PPP6R2: variants seen among roughly 807,000 people sequenced by gnomAD.
The protein encoded by PPP6R2 is protein phosphatase 6 regulatory subunit 2.
In PPP6R2, 62 loss-of-function variants were observed where a neutral mutation model predicts 100.2. The ratio of observed to expected loss-of-function variants is 0.62; its 90% CI spans 0.50 to 0.76. The LOEUF (loss-of-function observed/expected upper bound fraction) is 0.76. Among genes scored for constraint, PPP6R2 ranks in the 30% least tolerant of loss-of-function variants. PPP6R2 has a pLI of 0.00. For synonymous variants in PPP6R2, 525 were observed against 514.7 expected, an observed-to-expected ratio of 1.02 and a Z score of -0.27; for missense variants, 1,142 against 1,276.3, an observed-to-expected ratio of 0.89 and a Z score of 1.60.
chr22:50,427,956 G>A (rs540762020), intron 10 of PPP6R2, among the ~76,000 whole-genome samples: 52 of 151,174 alleles, frequency 3.4e-4, no homozygotes, highest in East Asian at 1.5e-3. Flanking sequence ...TCCTGACCTC[G>A]TGATCCGCCC....
intron 10 of PPP6R2, among the ~76,000 whole-genome samples, chr22:50,429,835 G>C (rs891700501): frequency 1.3e-5 from 2 of 152,330 alleles, no homozygotes; most frequent in Middle Eastern, 3.4e-3. Flanking sequence ...ACACAGGAAA[G>C]CCTCCTCCAA....
At chr22:50,376,154 C>CT (rs1242037964) in intron 2 of PPP6R2, among the ~76,000 whole-genome samples, 1 of 151,928 alleles carries the variant, frequency 6.6e-6, no homozygotes, top group African/African-American at 2.4e-5. Flanking sequence ...ATAAGCCACT[C>CT]TGAGTTAAAA....
rs1294508719 is a variant in PPP6R2, at chr22:50,440,819, C to T, written c.2375-3C>T. On this transcript the variant is annotated splice_region_variant and splice_polypyrimidine_tract_variant and intron_variant, in intron 21 of 23. Coordinates refer to ENST00000612753, the MANE Select transcript of PPP6R2 (RefSeq NM_001242898.2). ...TGGACAGCACAGGCCTCCTACTTTG[C>T]AGTCAGCCCGGCTTCTCCATGTGCC... The T allele has an allele frequency of 1.9e-6, 3 of 1,612,962 alleles. No individual in the cohort carries two copies. Among genetic ancestry groups the T allele is most frequent in the East Asian group, 2.2e-5 (1 of 44,892 alleles).
intron 3 of PPP6R2, among the ~76,000 whole-genome samples, chr22:50,394,913 C>CAA (rs57028687): frequency 0.012 from 895 of 76,362 alleles, 34 homozygotes; most frequent in South Asian, 0.031. Context: ...GACTCTGTCT[C>CAA]AAAAAAAAAA....
At chr22:50,333,284 C>T in the PPP6R2 span, among the ~76,000 whole-genome samples, 1 of 151,392 alleles carries the variant, frequency 6.6e-6, no homozygotes, top group Admixed American at 6.6e-5. Flanking sequence ...ATTATTCTAG[C>T]TTTGTAGTAA....
intron 17 of PPP6R2, 132 bp from the exon 18 acceptor site, chr22:50,438,042 C>A: frequency 6.7e-7 from 1 of 1,490,206 alleles, no homozygotes; most frequent in South Asian, 1.3e-5. Flanking sequence ...GCTTTCCTTG[C>A]CCCTCCCCGT....
intron 2 of PPP6R2, among the ~76,000 whole-genome samples, chr22:50,392,337 A>G (rs1213886504): frequency 8.8e-6 from 1 of 113,702 alleles, no homozygotes; most frequent in Non-Finnish European, 1.8e-5. Context: ...CCCTGTCTCT[A>G]CAGAAAAAAA....
intron 3 of PPP6R2, among the ~76,000 whole-genome samples, chr22:50,401,214 T>G (rs2057960569): frequency 6.6e-6 from 1 of 152,104 alleles, no homozygotes; most frequent in African/African-American, 2.4e-5. Context: ...TTTAAAATTT[T>G]ATTTTTTTTT....
At chr22:50,438,905 C>T (rs2064985439) in intron 19 of PPP6R2, 143 bp downstream of exon 19, 1 of 933,386 alleles carries the variant, frequency 1.1e-6, no homozygotes, top group African/African-American at 1.7e-5. Flanking sequence ...AGCTATTTCC[C>T]AGCCGTCCTG....
At chr22:50,383,549 A>T (rs1176982184) in intron 2 of PPP6R2, among the ~76,000 whole-genome samples, 3 of 152,108 alleles carry the variant, frequency 2.0e-5, no homozygotes, top group Non-Finnish European at 4.4e-5. Context: ...TTGGCCCCCA[A>T]GTATGTCTTG....
chr22:50,434,897 G>A, intron 12 of PPP6R2, 69 bp from the exon 13 acceptor site: 3 of 1,414,462 alleles, frequency 2.1e-6, no homozygotes, highest in African/African-American at 1.4e-5. Flanking sequence ...CTGCCACTTG[G>A]CTCTCTGGGT....
intron 14 of PPP6R2, 123 bp from the exon 15 acceptor site, chr22:50,436,862 CTGA>C (rs1274045646): frequency 1.3e-6 from 1 of 777,456 alleles, no homozygotes; most frequent in African/African-American, 1.7e-5. Flanking sequence ...GCCCAGAGAT[CTGA>C]TGAGTGATGT....
intron 2 of PPP6R2, among the ~76,000 whole-genome samples, chr22:50,379,157 A>G (rs1400247493): frequency 1.3e-5 from 2 of 152,172 alleles, no homozygotes; most frequent in African/African-American, 4.8e-5. Flanking sequence ...ATTTTGTTAT[A>G]GCAGCAGAAA....
intron 2 of PPP6R2, among the ~76,000 whole-genome samples, chr22:50,385,609 G>A (rs2054065553): frequency 6.9e-6 from 1 of 145,604 alleles, no homozygotes; most frequent in African/African-American, 2.6e-5. Context: ...TCTCCCTCCC[G>A]GGTTCAAGCG....
chr22:50,439,558 G>A (rs1365708464), intron 19 of PPP6R2, 143 bp from the exon 20 acceptor site: 3 of 915,496 alleles, frequency 3.3e-6, no homozygotes, highest in Admixed American at 3.0e-5. Context: ...GGGGCTGACG[G>A]GCACTGCCTG....
chr22:50,335,791 T>A, the PPP6R2 span, among the ~76,000 whole-genome samples: 2 of 143,156 alleles, frequency 1.4e-5, no homozygotes, highest in Non-Finnish European at 3.0e-5. Flanking sequence ...TTCTCCTGCC[T>A]CAGCCTCCCC....
intron 3 of PPP6R2, among the ~76,000 whole-genome samples, chr22:50,398,139 C>T (rs1344752241): frequency 6.6e-6 from 1 of 151,440 alleles, no homozygotes; most frequent in Non-Finnish European, 1.5e-5. Flanking sequence ...TGAAGACCAG[C>T]CTGGGCAATA....
At chr22:50,432,480 G>A (rs957946191) in intron 12 of PPP6R2, 151 bp downstream of exon 12, 9 of 742,318 alleles carry the variant, frequency 1.2e-5, no homozygotes, top group Non-Finnish European at 2.0e-5. Context: ...TGGGGCTGCT[G>A]TGCAAGGGGC....
chr22:50,403,192 G>A (rs2058321225), intron 3 of PPP6R2, among the ~76,000 whole-genome samples: 1 of 152,060 alleles, frequency 6.6e-6, no homozygotes, highest in Non-Finnish European at 1.5e-5. Context: ...GGGCAACAGA[G>A]CAAGACTCTG....
Sources: gnomAD v4.1 joint callset for allele counts (sites outside exome capture counted in the v4.1 genomes callset) on GRCh38, gnomAD v4.1.1 for gene constraint, MANE v1.5 for transcripts, NCBI Gene and HGNC (gene_info 2026-07-23, HGNC 2026-07-21) for gene names.